The following GRHPR variants were observed in gnomAD, a reference collection of about 807,000 sequenced individuals.
GRHPR encodes glyoxylate and hydroxypyruvate reductase, also known as glyoxylate reductase/hydroxypyruvate reductase.
GRHPR carries 35 observed loss-of-function variants against 36.8 expected under a neutral mutation model. The observed-to-expected ratio is 0.95, with a 90% confidence interval of 0.73 to 1.26. The LOEUF (loss-of-function observed/expected upper bound fraction) is 1.26, where lower values mean the gene tolerates loss of function less well. GRHPR is among the 50% of genes most tolerant of loss of function. GRHPR has a pLI of 0.00. For synonymous variants in GRHPR, 179 were observed against 181.0 expected (o/e 0.99, Z 0.09); for missense variants, 380 against 435.0 (o/e 0.87, Z 1.12).
At chr9:37,426,375 A>C in intron 3 of GRHPR, 163 bp from the exon 4 acceptor site, 2 of 719,520 alleles carry the variant, frequency 2.8e-6, no homozygotes, top group South Asian at 3.0e-5. Flanking sequence ...AGATAATCTA[A>C]ATAGGAATGA....
intron 4 of GRHPR, 121 bp from the exon 5 acceptor site, chr9:37,428,363 T>A: frequency 3.0e-5 from 19 of 623,066 alleles, no homozygotes; most frequent in African/African-American, 7.4e-5. Flanking sequence ...CATCCCACTC[T>A]CAGTCCGTGA....
chr9:37,430,886 G>A (rs1564301348), intron 7 of GRHPR: 1 of 627,524 alleles, frequency 1.6e-6, no homozygotes, highest in Non-Finnish European at 3.0e-6. Context: ...ACCCGGCGGG[G>A]CCTGGCACAC....
chr9:37,433,120 C>G (rs1002856982), intron 8 of GRHPR, among the ~76,000 whole-genome samples: 1 of 152,182 alleles, frequency 6.6e-6, no homozygotes, highest in East Asian at 1.9e-4. Context: ...TGCTCAGAGA[C>G]AAGAGCAACA....
downstream of GRHPR, chr9:37,438,437 T>G (rs1222335534): frequency 6.6e-6 from 1 of 152,500 alleles, no homozygotes; most frequent in Admixed American, 6.6e-5. Context: ...ACTGACAGAC[T>G]AAGAGGTAGA....
downstream of GRHPR, among the ~76,000 whole-genome samples, chr9:37,437,935 G>C (rs1399480715): frequency 1.3e-5 from 2 of 152,178 alleles, no homozygotes; most frequent in Non-Finnish European, 2.9e-5. Context: ...GTAGCTCAAA[G>C]ACAGAAAAGG....
upstream of GRHPR, among the ~76,000 whole-genome samples, chr9:37,422,515 GCA>G (rs1822869086): frequency 7.5e-6 from 1 of 133,856 alleles, no homozygotes; most frequent in African/African-American, 2.5e-5. Flanking sequence ...GGCACGAGGC[GCA>G]CCCCCCCACA....
intron 8 of GRHPR, chr9:37,434,177 A>C (rs1174222009): frequency 7.5e-6 from 3 of 399,464 alleles, no homozygotes; most frequent in Non-Finnish European, 1.3e-5. Flanking sequence ...GGCTGCAGCC[A>C]TGTCCTACTG....
intron 1 of GRHPR, 135 bp from the exon 2 acceptor site, chr9:37,424,710 G>T (rs1234590639): frequency 9.0e-6 from 9 of 1,000,422 alleles, no homozygotes; most frequent in Non-Finnish European, 1.2e-5. Flanking sequence ...GACCACCCCT[G>T]CCTGACCCTG....
Position 37,422,862 on chromosome 9 carries a change from G to A in GRHPR, c.83+29G>A, listed in dbSNP as rs1174001930. On this transcript the variant is annotated intron_variant, in intron 1 of 8. Transcript: ENST00000318158. Reference sequence around the variant, plus strand: ...AGAGCCTCGCGCGCCGTGGAGGAGGGAGCAGGGCGGTCCCAGGGACCGGAG... The same window carrying A: ...AGAGCCTCGCGCGCCGTGGAGGAGGAAGCAGGGCGGTCCCAGGGACCGGAG... The A allele has an allele frequency of 2.0e-6, 3 of 1,514,708 alleles. No homozygotes were observed. In the Admixed American group the frequency reaches 5.7e-5, roughly 29 times the overall value. 93.8% of individuals were successfully genotyped at this position (1,514,708 alleles called of 1,614,324 possible).
chr9:37,430,839 G>T (rs532243722), intron 7 of GRHPR, 193 bp downstream of exon 7: 18 of 689,618 alleles, frequency 2.6e-5, no homozygotes, highest in Non-Finnish European at 4.6e-5. Context: ...AGCCGTCAGA[G>T]TGGGCCTGGC....
rs543091089 is a variant in GRHPR at position 37,424,500 on chromosome 9, C to T, written c.84-345C>T. On this transcript the variant is annotated intron_variant, in intron 1 of 8. Transcript: ENST00000318158. ...AACAGGCCATTGAATCCAGGCCCCCCACCTGAGGCACACCCTGCCCCCCAC... is the reference window on the plus strand; with the variant it reads ...AACAGGCCATTGAATCCAGGCCCCCTACCTGAGGCACACCCTGCCCCCCAC... 7.9e-5 allele frequency among the ~76,000 whole-genome samples: 12 copies of T among 152,386 alleles called. 1 individual carries two copies. The highest frequency in any genetic ancestry group is 5.9e-4 in the Admixed American group (9 of 15,310).
upstream of GRHPR, chr9:37,422,693 G>C: frequency 7.3e-7 from 1 of 1,362,282 alleles, no homozygotes; most frequent in Middle Eastern, 2.5e-4. Flanking sequence ...CCCCGGCCCA[G>C]CTACATTCCC....
At position 37,429,792 on chromosome 9, in the gene GRHPR, G is replaced by A. The variant is rs1327662246; in HGVS notation, c.554G>A (p.Arg185His). ...FGVQRFLYTG[R>H]QPRPEEAAEF... ...GTCCAGAGATTTCTGTACACAGGGC[G>A]CCAGCCCAGGCCTGAGGAAGCAGCA... Residue 185 changes from arginine to histidine, a missense_variant, in exon 6 of 9, where the codon CGC (arginine) becomes CAC (histidine). Arg to His is a conservative substitution (Grantham distance 29, BLOSUM62 0). Transcript: ENST00000318158. 7.4e-6 allele frequency: 12 copies of A among 1,612,060 alleles called. No homozygotes were observed. The highest frequency in any genetic ancestry group is 5.3e-5 in the African/African-American group (4 of 74,896).
chr9:37,427,675 A>G (rs1823146435), intron 4 of GRHPR: 1 of 152,122 alleles, frequency 6.6e-6, no homozygotes, highest in Non-Finnish European at 1.5e-5. Context: ...CTGTCTCTAC[A>G]AAAAATACAA....
intron 2 of GRHPR, among the ~76,000 whole-genome samples, 154 bp from the exon 3 acceptor site, chr9:37,425,764 TGTCA>T (rs897800350): frequency 7.9e-5 from 12 of 152,256 alleles, no homozygotes; most frequent in African/African-American, 2.9e-4. Flanking sequence ...TGTCTGAGGC[TGTCA>T]AAGGGGATTA....
chr9:37,437,560 G>GT (rs1823730510), downstream of GRHPR, among the ~76,000 whole-genome samples: 1 of 152,202 alleles, frequency 6.6e-6, no homozygotes, highest in South Asian at 2.1e-4. Flanking sequence ...AGGTAAGGAC[G>GT]TAACTCTTAT....
chr9:37,427,002 C>T (rs928607910), intron 4 of GRHPR, among the ~76,000 whole-genome samples: 1 of 152,088 alleles, frequency 6.6e-6, no homozygotes, highest in African/African-American at 2.4e-5. Flanking sequence ...TGGCTCTGCT[C>T]AGCACTGGAT....
At chr9:37,431,888 T>TA (rs1823384591) in intron 7 of GRHPR, 120 bp from the exon 8 acceptor site, 4 of 1,023,210 alleles carry the variant, frequency 3.9e-6, no homozygotes, top group East Asian at 4.8e-5. Flanking sequence ...ACCTAAGACT[T>TA]ACTGCTTTAA....
At chr9:37,429,977 A>G in intron 6 of GRHPR, 141 bp downstream of exon 6, 2 of 696,322 alleles carry the variant, frequency 2.9e-6, no homozygotes, top group East Asian at 2.7e-5. Flanking sequence ...TGTTTAATCT[A>G]CCTGCCCCTG....
Sources: allele counts gnomAD v4.1 joint callset (sites outside exome capture counted in the v4.1 genomes callset), GRCh38; gene constraint gnomAD v4.1.1; transcripts MANE v1.5; gene names NCBI Gene and HGNC (gene_info 2026-07-23, HGNC 2026-07-21).